Variants in PCDH12 observed in about 807,000 individuals in gnomAD.
PCDH12 encodes protocadherin 12.
A neutral mutation model predicts 70.9 loss-of-function variants in PCDH12; 45 were observed. That is an observed-to-expected ratio of 0.63 (90% confidence interval 0.50 to 0.81). The LOEUF (loss-of-function observed/expected upper bound fraction) is 0.81. Among genes scored for constraint, PCDH12 ranks in the 40% least tolerant of loss-of-function variants. PCDH12 has a pLI of 0.00. For synonymous variants in PCDH12, 567 were observed against 626.0 expected, an observed-to-expected ratio of 0.91 and a Z score of 1.41; for missense variants, 1,370 against 1,491.7, an observed-to-expected ratio of 0.92 and a Z score of 1.34.
Position 141,945,568 on chromosome 5 carries a change from T to C in PCDH12, c.3368A>G (p.Gln1123Arg), listed in dbSNP as rs1241154452. 4 of 1,613,902 alleles carry C rather than the reference T, an allele frequency of 2.5e-6. No individual in the cohort carries two copies. Among genetic ancestry groups the C allele is most frequent in the East Asian group, 2.2e-5 (1 of 44,892 alleles). ...MSSLLEMLLE[Q>R]RSSMPVEAAS... ...GGCCTCCACGGGCATGCTGGAGCGC[T>C]GTTCCAGCAGCATCTCCAGCAGTGA... is the stretch of plus-strand genomic sequence containing the variant. Residue 1123 changes from glutamine (Q) to arginine (R), a missense_variant, in exon 4 of 4, where the codon CAG becomes CGG. Transcript: ENST00000231484.
At chr5:141,952,264 C>T (rs1753099246) in intron 1 of PCDH12, among the ~76,000 whole-genome samples, 1 of 152,070 alleles carries the variant, frequency 6.6e-6, no homozygotes, top group Admixed American at 6.5e-5. Flanking sequence ...TGCCTCTGGG[C>T]ATAGGGAAAG....
In PCDH12 at chr5:141,957,957, C is replaced by A. The variant is rs1753216137; in HGVS notation, c.-106G>T. 2 of 1,306,654 alleles carry A rather than the reference C, an allele frequency of 1.5e-6. No individual in the cohort carries two copies. Among genetic ancestry groups the A allele is most frequent in the Admixed American group, 4.7e-5 (2 of 42,454 alleles). 80.9% of individuals were successfully genotyped at this position (1,306,654 alleles called of 1,614,324 possible). A position where few individuals can be genotyped will look rare whatever the true frequency, so the allele number is the denominator to read the frequency against. ...GCTTGATCAGCCCCGTGCTCCTTCC[C>A]CCAGAGCTGCCGGCACAACCTTGTC... On this transcript the variant is annotated 5_prime_UTR_variant, in exon 1 of 4. Transcript: ENST00000231484. The surrounding 1 kb of genome is among the most constrained non-coding windows in gnomAD (Gnocchi z 4.3).
rs753144260 is a variant in PCDH12 at position 141,955,814 on chromosome 5, G to T, written c.2038C>A (p.Gln680Lys). 1.9e-6 allele frequency: 3 copies of T among 1,613,906 alleles called. No homozygotes were observed. Among genetic ancestry groups the T allele is most frequent in the Non-Finnish European group, 2.5e-6 (3 of 1,179,910 alleles). Residue 680 changes from glutamine (Q) to lysine (K), a missense_variant, in exon 1 of 4, where the codon CAG becomes AAG. Gln to Lys is a moderately conservative substitution (Grantham distance 53). Transcript: ENST00000231484. The surrounding 1 kb of genome is among the most constrained non-coding windows in gnomAD (Gnocchi z 5.5). ...EWELEIVVEDQGSPPLQTRAL... is the reference protein window; with the variant it reads ...EWELEIVVEDKGSPPLQTRAL... ...CGGGTCTGTAAGGGGGGGCTTCCCT[G>T]GTCCTCTACTACTATCTCCAGCTCC... is the stretch of plus-strand genomic sequence containing the variant.
chr5:141,945,432 C>T lies in PCDH12; in HGVS notation c.3504G>A (p.Thr1168=), dbSNP rs770633822. 28 of 1,605,174 alleles carry T rather than the reference C, an allele frequency of 1.7e-5. No individual in the cohort carries two copies. The Admixed American group carries it at 2.3e-4, about 13-fold the overall frequency. ...MKVQGDPGGK[T]GTEGKSRGSS... ...TGCCTCTGCTCTTGCCCTCAGTCCC[C>T]GTCTTTCCACCTGGGTCCCCTTGCA... The change falls in exon 4 of 4, where the codon ACG becomes ACA. Residue 1168 remains threonine (T), a synonymous_variant. Coordinates refer to ENST00000231484, the MANE Select transcript of PCDH12 (RefSeq NM_016580.4).
rs1753166460 is a variant in PCDH12 at position 141,955,625 on chromosome 5, C to G, written c.2227G>C (p.Glu743Gln). Reference protein sequence around the residue: ...LALFMSICRTEKKDNRAYNCR... With the variant: ...LALFMSICRTQKKDNRAYNCR... ...TTGTAGGCCCTGTTGTCCTTCTTTTCTGTCCGGCAGATGGACATGAACAAA... is the reference window on the plus strand; with the variant it reads ...TTGTAGGCCCTGTTGTCCTTCTTTTGTGTCCGGCAGATGGACATGAACAAA... Residue 743 changes from glutamate (E) to glutamine (Q), a missense_variant, in exon 1 of 4, where the codon GAA becomes CAA. Coordinates refer to ENST00000231484, the MANE Select transcript of PCDH12 (RefSeq NM_016580.4). The surrounding 1 kb of genome is among the most constrained non-coding windows in gnomAD (Gnocchi z 5.5). 1 of 1,614,060 alleles carries G rather than the reference C, an allele frequency of 6.2e-7. No individual in the cohort carries two copies. The highest frequency in any genetic ancestry group is 8.5e-7 in the Non-Finnish European group (1 of 1,180,036).
At position 141,956,706 on chromosome 5, in the gene PCDH12, A is replaced by G; in HGVS notation, c.1146T>C (p.Asp382=). The change falls in exon 1 of 4, where the codon GAT becomes GAC. Residue 382 remains aspartate, a synonymous_variant. Coordinates refer to ENST00000231484, the MANE Select transcript of PCDH12 (RefSeq NM_016580.4). ...AGTGGACCAAACCATTGTGTCCTGA[A>G]TCCAAGTCATCTGCCATGACAAGAG... ...FIALVMADDL[D]SGHNGLVHCW... 1 of 1,614,228 alleles carries G rather than the reference A, an allele frequency of 6.2e-7. No homozygotes were observed. Among genetic ancestry groups the G allele is most frequent in the African/African-American group, 1.3e-5 (1 of 75,052 alleles).
Position 141,957,420 on chromosome 5 carries a change from G to C in PCDH12, c.432C>G (p.Ile144Met), listed in dbSNP as rs1383374115. The C allele has an allele frequency of 2.5e-6, 4 of 1,613,114 alleles. No homozygotes were observed. The highest frequency in any genetic ancestry group is 3.3e-5 in the Admixed American group (2 of 59,934). ...RFPKGEQELE[I>M]SESASLRTRI... ...GGGTTCGCAGAGAGGCGCTCTCAGA[G>C]ATTTCCAGCTCCTGCTCGCCTTTGG... Residue 144 changes from isoleucine (I) to methionine (M), a missense_variant, in exon 1 of 4, where the codon ATC (isoleucine) becomes ATG (methionine). Coordinates refer to ENST00000231484, the MANE Select transcript of PCDH12 (RefSeq NM_016580.4). This position sits in a 1 kb window ranked among gnomAD's most constrained non-coding sequence, Gnocchi z 4.3.
Position 141,955,294 on chromosome 5 carries a change from G to T in PCDH12, c.2558C>A (p.Pro853His). The T allele has an allele frequency of 6.2e-7, 1 of 1,614,188 alleles. No individual in the cohort carries two copies. The highest frequency in any genetic ancestry group is 8.5e-7 in the Non-Finnish European group (1 of 1,180,036). The change falls in exon 1 of 4, where the codon CCC becomes CAC. Residue 853 changes from proline to histidine, a missense_variant. Pro to His is a moderately conservative substitution (Grantham distance 77, BLOSUM62 -2). Coordinates refer to ENST00000231484, the MANE Select transcript of PCDH12 (RefSeq NM_016580.4). The surrounding 1 kb of genome is among the most constrained non-coding windows in gnomAD (Gnocchi z 5.5). Reference protein sequence around the residue: ...QDTVNLLFNHPRQRNASRENL... With the variant: ...QDTVNLLFNHHRQRNASRENL... ...CTCCCGGGAGGCATTCCTCTGCCTG[G>T]GATGGTTGAAAAGGAGGTTGACCGT...
At position 141,943,941 on chromosome 5, in the gene PCDH12, A is replaced by C. The variant is rs755764634; in HGVS notation, c.*1440T>G. On this transcript the variant is annotated 3_prime_UTR_variant, in exon 4 of 4. Transcript: ENST00000231484. ...ATGATGCACATTATCCCTAGTTGGGAGTATGATTGGCCCATTTCTTGAACA... is the reference window on the plus strand; with the variant it reads ...ATGATGCACATTATCCCTAGTTGGGCGTATGATTGGCCCATTTCTTGAACA... 4 of 152,174 alleles carry C rather than the reference A, an allele frequency of 2.6e-5. No individual in the cohort carries two copies. The highest frequency in any genetic ancestry group is 5.9e-5 in the Non-Finnish European group (4 of 68,042). The allele number at this position is 152,174 out of a possible 1,614,324, so 9.4% of individuals were successfully genotyped here.
chr5:141,949,501 G>T lies in PCDH12; in HGVS notation c.3061C>A (p.Pro1021Thr). The T allele has an allele frequency of 6.2e-7, 1 of 1,614,124 alleles. No homozygotes were observed. Among genetic ancestry groups the T allele is most frequent in the East Asian group, 2.2e-5 (1 of 44,874 alleles). The change falls in exon 3 of 4, where the codon CCT becomes ACT. Residue 1021 changes from proline to threonine, a missense_variant. Transcript: ENST00000231484. Reference sequence around the variant, plus strand: ...TGCTTCACAGAGAGGTCCTCTTCAGGATCCAAAGGCCCTTCCTCCTGTTCT... The same window carrying T: ...TGCTTCACAGAGAGGTCCTCTTCAGTATCCAAAGGCCCTTCCTCCTGTTCT... ...DPEQEEGPLD[P>T]EEDLSVKQLL...
intron 3 of PCDH12, among the ~76,000 whole-genome samples, chr5:141,947,382 G>T (rs550662975): frequency 6.6e-6 from 1 of 152,322 alleles, no homozygotes; most frequent in East Asian, 1.9e-4. Context: ...ATAGAATCAG[G>T]CCTTTCCTTT....
rs747907583 is a variant in PCDH12, at chr5:141,955,001, C to A, written c.2851G>T (p.Glu951Ter). 1 of 1,613,862 alleles carries A rather than the reference C, an allele frequency of 6.2e-7. No homozygotes were observed. The highest frequency in any genetic ancestry group is 1.7e-5 in the Admixed American group (1 of 60,026). Residue 951 changes from glutamate (E) to a stop codon, truncating the protein, a stop_gained, in exon 1 of 4, where the codon GAG becomes TAG. Transcript: ENST00000231484. LOFTEE classifies it high-confidence loss of function. The surrounding 1 kb of genome is among the most constrained non-coding windows in gnomAD (Gnocchi z 5.5). ...AAFAERNPVE[E>*]LTVDSPPVQQ... ...ACAGGAGGAGAATCCACAGTGAGCTCCTCCACGGGGTTCCGCTCGGCGAAG... is the reference window on the plus strand; with the variant it reads ...ACAGGAGGAGAATCCACAGTGAGCTACTCCACGGGGTTCCGCTCGGCGAAG...
chr5:141,957,751 T>C lies in PCDH12; in HGVS notation c.101A>G (p.Tyr34Cys), dbSNP rs1410766107. The stretch of plus-strand genomic sequence containing the variant: ...AGATGGCACTTCCTCTGACACTTGG[T>C]ATTTCACCGTGAGAGTGGTCACCTC... ...CQEVTTLTVK[Y>C]QVSEEVPSGT... The change falls in exon 1 of 4, where the codon TAC becomes TGC. Residue 34 changes from tyrosine (Y) to cysteine (C), a missense_variant. Coordinates refer to ENST00000231484, the MANE Select transcript of PCDH12 (RefSeq NM_016580.4). The surrounding 1 kb of genome is among the most constrained non-coding windows in gnomAD (Gnocchi z 4.3). The C allele has an allele frequency of 2.5e-6, 4 of 1,612,682 alleles. No individual in the cohort carries two copies. Among genetic ancestry groups the C allele is most frequent in the Non-Finnish European group, 3.4e-6 (4 of 1,180,038 alleles).
At position 141,957,411 on chromosome 5, in the gene PCDH12, G is replaced by T; in HGVS notation, c.441C>A (p.Ser147Arg). 1 of 1,613,160 alleles carries T rather than the reference G, an allele frequency of 6.2e-7. No individual in the cohort carries two copies. The highest frequency in any genetic ancestry group is 8.5e-7 in the Non-Finnish European group (1 of 1,179,588). ...GGGGGATCCGGGTTCGCAGAGAGGC[G>T]CTCTCAGAGATTTCCAGCTCCTGCT... ...KGEQELEISE[S>R]ASLRTRIPLD... The change falls in exon 1 of 4, where the codon AGC becomes AGA. Residue 147 changes from serine to arginine, a missense_variant. By Grantham distance (110) the Ser-to-Arg change is moderately radical. Coordinates refer to ENST00000231484, the MANE Select transcript of PCDH12 (RefSeq NM_016580.4). This position sits in a 1 kb window ranked among gnomAD's most constrained non-coding sequence, Gnocchi z 4.3.
rs759365174 is a variant in PCDH12, at chr5:141,948,783, C to T, written c.3130+649G>A. 1.8e-4 allele frequency among the ~76,000 whole-genome samples: 28 copies of T among 151,946 alleles called. 1 individual carries two copies. The highest frequency in any genetic ancestry group is 2.6e-4 in the Admixed American group (4 of 15,266). On this transcript the variant is annotated intron_variant, in intron 3 of 3. Coordinates refer to ENST00000231484, the MANE Select transcript of PCDH12 (RefSeq NM_016580.4). ...GCCTCGGTTTGCTCATCTGTAAATT[C>T]GAGGTAATAATTATCTACTTGAGGG...
chr5:141,955,217 G>C lies in PCDH12; in HGVS notation c.2635C>G (p.Pro879Ala), dbSNP rs61737138. Residue 879 changes from proline to alanine, a missense_variant, in exon 1 of 4, where the codon CCT becomes GCT. Coordinates refer to ENST00000231484, the MANE Select transcript of PCDH12 (RefSeq NM_016580.4). This position sits in a 1 kb window ranked among gnomAD's most constrained non-coding sequence, Gnocchi z 5.5. ...GTGGGGCTGCCTGCAACCTTCAGAG[G>C]CCTGGAACGTGGCTGGCCTGTGGCA... ...QPATGQPRSR[P>A]LKVAGSPTGR... The C allele has an allele frequency of 9.3e-4, 1,509 of 1,614,194 alleles. 9 individuals are homozygous for C. The African/African-American group carries it at 0.017, about 19-fold the overall frequency.
Position 141,955,625 on chromosome 5 carries a change from C to T in PCDH12, c.2227G>A (p.Glu743Lys). Reference protein sequence around the residue: ...LALFMSICRTEKKDNRAYNCR... With the variant: ...LALFMSICRTKKKDNRAYNCR... Reference sequence around the variant, plus strand: ...TTGTAGGCCCTGTTGTCCTTCTTTTCTGTCCGGCAGATGGACATGAACAAA... The same window carrying T: ...TTGTAGGCCCTGTTGTCCTTCTTTTTTGTCCGGCAGATGGACATGAACAAA... The change falls in exon 1 of 4, where the codon GAA becomes AAA. Residue 743 changes from glutamate to lysine, a missense_variant. Transcript: ENST00000231484. This position sits in a 1 kb window ranked among gnomAD's most constrained non-coding sequence, Gnocchi z 5.5. The T allele has an allele frequency of 1.2e-6, 2 of 1,614,178 alleles. No homozygotes were observed.
Position 141,945,322 on chromosome 5 carries a change from C to G in PCDH12, c.*59G>C. On this transcript the variant is annotated 3_prime_UTR_variant, in exon 4 of 4. Coordinates refer to ENST00000231484, the MANE Select transcript of PCDH12 (RefSeq NM_016580.4). ...TGAGTTACAAGATTTTAGAAACCAG[C>G]TCTTGTCCACAGATCCTCAGGCCCC... 8.5e-6 allele frequency: 13 copies of G among 1,529,470 alleles called. No homozygotes were observed. In the South Asian group the frequency reaches 1.7e-4, roughly 20 times the overall value. The allele number at this position is 1,529,470 out of a possible 1,614,324, so 94.7% of individuals were successfully genotyped here. A position where few individuals can be genotyped will look rare whatever the true frequency, so the allele number is the denominator to read the frequency against.
At chr5:141,945,900 A>G in intron 3 of PCDH12, 95 bp from the exon 4 acceptor site, 1 of 1,124,396 alleles carries the variant, frequency 8.9e-7, no homozygotes, top group Non-Finnish European at 1.3e-6. Context: ...GCAGTGGACA[A>G]AGGAGGGAAG....
Sources: gnomAD v4.1 joint callset for allele counts (sites outside exome capture counted in the v4.1 genomes callset) on GRCh38, gnomAD v4.1.1 for gene constraint, Gnocchi (gnomAD v3.1) non-coding constraint, MANE v1.5 for transcripts, NCBI Gene and HGNC (gene_info 2026-07-23, HGNC 2026-07-21) for gene names.